AGAP1: variants seen among roughly 807,000 people sequenced by gnomAD.
AGAP1 encodes the protein arf-GAP with GTPase, ANK repeat and PH domain-containing protein 1.
AGAP1 carries 29 observed loss-of-function variants against 105.3 expected under a neutral mutation model. The ratio of observed to expected loss-of-function variants is 0.28; its 90% CI spans 0.21 to 0.38. The LOEUF is 0.38. Among genes scored for constraint, AGAP1 ranks in the 10% least tolerant of loss-of-function variants. The pLI is 1.00. For missense variants in AGAP1, 998 were observed against 1,165.1 expected (o/e 0.86, Z 2.09); for synonymous variants, 509 against 485.9 (o/e 1.05, Z -0.63).
intron 15 of AGAP1, among the ~76,000 whole-genome samples, chr2:236,048,365 T>C (rs1412024367): frequency 6.6e-6 from 1 of 152,220 alleles, no homozygotes; most frequent in Non-Finnish European, 1.5e-5. Flanking sequence ...CTTGGTCTAG[T>C]TTCACAGCCC....
intron 1 of AGAP1, among the ~76,000 whole-genome samples, chr2:235,686,641 A>T (rs1395038068): frequency 7.0e-5 from 3 of 42,654 alleles, no homozygotes; most frequent in African/African-American, 2.4e-4. Context: ...ATATATATAT[A>T]TATAGATATA....
In AGAP1 at chr2:235,865,697, A is replaced by G. The variant is rs1275168768; in HGVS notation, c.1051-17648A>G. Among the ~76,000 whole-genome samples the G allele has an allele frequency of 6.6e-6, 1 of 152,180 alleles. No homozygotes were observed. Among genetic ancestry groups the G allele is most frequent in the African/African-American group, 2.4e-5 (1 of 41,448 alleles). Reference sequence around the variant, plus strand: ...AGGGCGGGAAATATTACTATTTTAAAAAGCTCAGTTAAGGGGGGATTCCTG... The same window carrying G: ...AGGGCGGGAAATATTACTATTTTAAGAAGCTCAGTTAAGGGGGGATTCCTG... On this transcript the variant is annotated intron_variant, in intron 9 of 17. Transcript: ENST00000304032. The surrounding 1 kb of genome is among the most constrained non-coding windows in gnomAD (Gnocchi z 6.2).
At chr2:235,840,698 T>G (rs763183214) in intron 9 of AGAP1, among the ~76,000 whole-genome samples, 3 of 151,936 alleles carry the variant, frequency 2.0e-5, no homozygotes, top group Non-Finnish European at 4.4e-5. Context: ...ATCTGGAGGC[T>G]TTCGGAAAGT....
chr2:236,123,693 G>A lies in AGAP1; in HGVS notation c.2371-226G>A, dbSNP rs2059953706. 6.7e-6 allele frequency among the ~76,000 whole-genome samples: 1 copy of A among 150,236 alleles called. No individual in the cohort carries two copies. The highest frequency in any genetic ancestry group is 2.1e-4 in the South Asian group (1 of 4,774). ...ATTCCTTAATGTTGCACAAAGGAGG[G>A]GCTTTCAGTTGAAAAAAAAAGACAT... On this transcript the variant is annotated intron_variant, in intron 17 of 17. Coordinates refer to ENST00000304032, the MANE Select transcript of AGAP1 (RefSeq NM_001037131.3). This position sits in a 1 kb window ranked among gnomAD's most constrained non-coding sequence, Gnocchi z 4.6.
At chr2:236,049,370 A>G in intron 16 of AGAP1, 89 bp downstream of exon 16, 1 of 1,206,430 alleles carries the variant, frequency 8.3e-7, no homozygotes, top group African/African-American at 1.5e-5. Flanking sequence ...ACGGTTGGGA[A>G]GGCCCTGATA....
intron 9 of AGAP1, among the ~76,000 whole-genome samples, chr2:235,854,605 G>A (rs2048607047): frequency 6.6e-6 from 1 of 152,216 alleles, no homozygotes; most frequent in Non-Finnish European, 1.5e-5. Flanking sequence ...TTTAAACCCA[G>A]ACCAGCTTGG....
rs1018986149 is a variant in AGAP1 at position 235,608,039 on chromosome 2, C to T, written c.164-101140C>T. 2.6e-5 allele frequency among the ~76,000 whole-genome samples: 4 copies of T among 152,200 alleles called. No individual in the cohort carries two copies. The highest frequency in any genetic ancestry group is 9.6e-5 in the African/African-American group (4 of 41,458). On this transcript the variant is annotated intron_variant, in intron 1 of 17. Transcript: ENST00000304032. The surrounding 1 kb of genome is among the most constrained non-coding windows in gnomAD (Gnocchi z 5.4). The stretch of plus-strand genomic sequence containing the variant: ...CATGAGGTGGATGCTGAAGAGATTA[C>T]CCCTGACTTCATAGTCTGCCTGTCT...
At chr2:235,703,464 C>T (rs1022086571) in intron 1 of AGAP1, among the ~76,000 whole-genome samples, 1 of 152,112 alleles carries the variant, frequency 6.6e-6, no homozygotes, top group Non-Finnish European at 1.5e-5. Flanking sequence ...GTAGTTGGGC[C>T]CTTTCCCAGG....
At chr2:235,902,464 C>G (rs2051112041) in intron 10 of AGAP1, among the ~76,000 whole-genome samples, 1 of 152,144 alleles carries the variant, frequency 6.6e-6, no homozygotes, top group Non-Finnish European at 1.5e-5. Context: ...TGATGTCATA[C>G]CCCGGTCATT....
chr2:235,613,860 G>C (rs879636604), intron 1 of AGAP1, among the ~76,000 whole-genome samples: 5 of 152,226 alleles, frequency 3.3e-5, no homozygotes, highest in Non-Finnish European at 7.3e-5. Flanking sequence ...CAGTGAATTA[G>C]CATATAGTGG....
At chr2:235,681,014 C>T (rs1303523615) in intron 1 of AGAP1, among the ~76,000 whole-genome samples, 1 of 152,014 alleles carries the variant, frequency 6.6e-6, no homozygotes. Context: ...GCCCCCCCTC[C>T]CCCTTTTCTT....
At chr2:235,749,115 A>G (rs1299187355) in intron 5 of AGAP1, among the ~76,000 whole-genome samples, 1 of 152,154 alleles carries the variant, frequency 6.6e-6, no homozygotes, top group African/African-American at 2.4e-5. Flanking sequence ...AGCCTGAGGC[A>G]GGAGAATCAT....
At chr2:236,048,718 G>A (rs891849723) in intron 15 of AGAP1, among the ~76,000 whole-genome samples, 1 of 152,196 alleles carries the variant, frequency 6.6e-6, no homozygotes, top group African/African-American at 2.4e-5. Flanking sequence ...CGAGTCACAC[G>A]TGCTTTTTCC....
At chr2:235,935,259 G>A (rs775940863) in intron 12 of AGAP1, among the ~76,000 whole-genome samples, 5 of 152,142 alleles carry the variant, frequency 3.3e-5, no homozygotes, top group Non-Finnish European at 5.9e-5. Flanking sequence ...TCAAATTGCC[G>A]TCTGCCGGCT....
chr2:235,580,483 C>T (rs943745930), intron 1 of AGAP1, among the ~76,000 whole-genome samples: 3 of 151,898 alleles, frequency 2.0e-5, no homozygotes, highest in Admixed American at 2.0e-4. Flanking sequence ...GGGGAGGGTG[C>T]GCTTTCTACT....
At chr2:235,579,858 C>T (rs1017171909) in intron 1 of AGAP1, among the ~76,000 whole-genome samples, 4 of 152,168 alleles carry the variant, frequency 2.6e-5, no homozygotes, top group African/African-American at 7.2e-5. Flanking sequence ...AAAACAATTT[C>T]ATCACCCCCG....
In AGAP1 at chr2:235,747,068, A is replaced by G. The variant is rs1953011733; in HGVS notation, c.538+2229A>G. On this transcript the variant is annotated intron_variant, in intron 5 of 17. Coordinates refer to ENST00000304032, the MANE Select transcript of AGAP1 (RefSeq NM_001037131.3). The surrounding 1 kb of genome is among the most constrained non-coding windows in gnomAD (Gnocchi z 5.0). ...GAAGACACTCAGTGCATCCGTGGGT[A>G]TGTGATAGGCATCTTAACAATGGCT... Among the ~76,000 whole-genome samples, 1 of 152,098 alleles carries G rather than the reference A, an allele frequency of 6.6e-6. No individual in the cohort carries two copies. The highest frequency in any genetic ancestry group is 6.6e-5 in the Admixed American group (1 of 15,262).
At chr2:235,528,346 G>GCCCCCT (rs925798920) in intron 1 of AGAP1, among the ~76,000 whole-genome samples, 362 of 147,778 alleles carry the variant, frequency 2.4e-3, no homozygotes, top group African/African-American at 8.5e-3. Flanking sequence ...GTGCACTCAG[G>GCCCCCT]CCCCCTCCCC....
chr2:235,594,883 G>GTTTTTTTTTTT (rs34386154), intron 1 of AGAP1, among the ~76,000 whole-genome samples: 6 of 109,904 alleles, frequency 5.5e-5, no homozygotes, highest in African/African-American at 7.3e-5. Flanking sequence ...CCAGATTGCT[G>GTTTTTTTTTTT]TTTTTTTTTT....
Sources: gnomAD v4.1 joint callset for allele counts (sites outside exome capture counted in the v4.1 genomes callset) on GRCh38, gnomAD v4.1.1 for gene constraint, Gnocchi (gnomAD v3.1) non-coding constraint, MANE v1.5 for transcripts, NCBI Gene and HGNC (gene_info 2026-07-23, HGNC 2026-07-21) for gene names.